Variants in SMOC2 observed in about 807,000 individuals in gnomAD.
SMOC2 encodes the protein SPARC related modular calcium binding 2.
SMOC2 carries 39 observed loss-of-function variants against 61.4 expected under a neutral mutation model. The observed-to-expected ratio is 0.64, with a 90% CI of 0.49 to 0.83. SMOC2 has a LOEUF of 0.83. Among genes scored for constraint, SMOC2 ranks in the 40% least tolerant of loss-of-function variants. The pLI, the probability that SMOC2 is intolerant of heterozygous loss-of-function variation, is 0.00. For synonymous variants in SMOC2, 247 were observed against 239.9 expected (o/e 1.03, Z -0.27); for missense variants, 556 against 592.9 (o/e 0.94, Z 0.65).
chr6:168,586,941 T>A (rs942686574), intron 7 of SMOC2, among the ~76,000 whole-genome samples: 14 of 152,220 alleles, frequency 9.2e-5, no homozygotes, highest in African/African-American at 3.4e-4. Flanking sequence ...TTAAATATGA[T>A]GTTAGCTATA....
At chr6:168,604,767 G>A (rs770314049) in intron 8 of SMOC2, among the ~76,000 whole-genome samples, 2 of 152,170 alleles carry the variant, frequency 1.3e-5, no homozygotes, top group East Asian at 3.9e-4. Flanking sequence ...GAATTAAAAG[G>A]CGTTAGTTTT....
At chr6:168,457,281 G>A (rs984018710) in intron 1 of SMOC2, among the ~76,000 whole-genome samples, 2 of 152,144 alleles carry the variant, frequency 1.3e-5, no homozygotes, top group African/African-American at 4.8e-5. Context: ...CTACAACGGG[G>A]GAGTCAGAAC....
chr6:168,635,445 C>A (rs1165079193), intron 9 of SMOC2, among the ~76,000 whole-genome samples: 1 of 152,184 alleles, frequency 6.6e-6, no homozygotes, highest in Non-Finnish European at 1.5e-5. Context: ...TGAAGCCTCC[C>A]TGCCAGCATT....
intron 1 of SMOC2, among the ~76,000 whole-genome samples, chr6:168,456,840 C>G (rs530831336): frequency 6.6e-6 from 1 of 152,260 alleles, no homozygotes; most frequent in East Asian, 1.9e-4. Context: ...AGGAAGAAGC[C>G]TGGGCTGCTC....
intron 1 of SMOC2, among the ~76,000 whole-genome samples, chr6:168,473,191 C>T (rs750040042): frequency 8.5e-5 from 13 of 152,192 alleles, no homozygotes; most frequent in Non-Finnish European, 1.3e-4. Flanking sequence ...AGGGCTGAGA[C>T]CACTGAGACC....
At chr6:168,516,196 C>A (rs1216146376) in intron 2 of SMOC2, among the ~76,000 whole-genome samples, 3 of 152,130 alleles carry the variant, frequency 2.0e-5, no homozygotes, top group Admixed American at 2.0e-4. Flanking sequence ...AGTGATCTAG[C>A]CATTGACCTT....
intron 1 of SMOC2, among the ~76,000 whole-genome samples, chr6:168,490,073 T>C (rs1246841562): frequency 6.6e-6 from 1 of 151,800 alleles, no homozygotes; most frequent in Non-Finnish European, 1.5e-5. Flanking sequence ...CACACTGTTT[T>C]AGAATGAAAT....
chr6:168,614,526 CACCTACAGCCAGCACAGGGCCTCTTCAT>C (rs1786000237), intron 9 of SMOC2, among the ~76,000 whole-genome samples: 4 of 27,946 alleles, frequency 1.4e-4, no homozygotes, highest in Admixed American at 4.9e-4. Context: ...GGCCTCTTCA[CACCTACAGCCAGCACAGGGCCTCTTCAT>C]ACCTACAGCC....
rs1387013867 is a variant in SMOC2 at position 168,634,323 on chromosome 6, C to T, written c.908-16358C>T. On this transcript the variant is annotated intron_variant, in intron 9 of 12. Coordinates refer to ENST00000356284, the MANE Select transcript of SMOC2 (RefSeq NM_001166412.2). ...GGTTATTGTGAGATTTGGATGAGACCGTGTCTGTAACTTTGCATGGCACAG... is the reference window on the plus strand; with the variant it reads ...GGTTATTGTGAGATTTGGATGAGACTGTGTCTGTAACTTTGCATGGCACAG... Among the ~76,000 whole-genome samples the T allele has an allele frequency of 3.9e-5, 6 of 152,176 alleles. No homozygotes were observed. In the East Asian group the frequency reaches 5.8e-4, roughly 15 times the overall value.
At chr6:168,601,158 G>A (rs115799726) in intron 8 of SMOC2, among the ~76,000 whole-genome samples, 8 of 152,224 alleles carry the variant, frequency 5.3e-5, no homozygotes, top group Non-Finnish European at 1.2e-4. Flanking sequence ...AGACATTTGT[G>A]GGGGAAACTG....
intron 7 of SMOC2, among the ~76,000 whole-genome samples, chr6:168,592,389 T>G (rs375427823): frequency 0.026 from 1,690 of 65,112 alleles, 19 homozygotes; most frequent in Admixed American, 0.035. Context: ...CTAGAGGATC[T>G]CCGAGCTCCT....
At chr6:168,602,241 C>T (rs907230216) in intron 8 of SMOC2, among the ~76,000 whole-genome samples, 2 of 152,176 alleles carry the variant, frequency 1.3e-5, no homozygotes, top group African/African-American at 4.8e-5. Flanking sequence ...GTACTTCTCA[C>T]TCGACTCTCT....
chr6:168,463,862 A>G (rs1400585198), intron 1 of SMOC2, among the ~76,000 whole-genome samples: 1 of 152,076 alleles, frequency 6.6e-6, no homozygotes, highest in African/African-American at 2.4e-5. Flanking sequence ...GAGAACTTGG[A>G]TGGACTTCTC....
At position 168,624,774 on chromosome 6, in the gene SMOC2, CACA is replaced by C. The variant is rs1251989263; in HGVS notation, c.907+16540_907+16542del. On this transcript the variant is annotated intron_variant, in intron 9 of 12. Transcript: ENST00000356284. ...ACACTCACAGACACATGCACACAGA[CACA>C]ACAATACAGATACACACAGACACAT... Among the ~76,000 whole-genome samples the C allele has an allele frequency of 7.9e-5, 12 of 151,836 alleles. No homozygotes were observed. The South Asian group carries it at 8.3e-4, about 11-fold the overall frequency.
chr6:168,664,028 TA>T, intron 11 of SMOC2, 45 bp from the exon 12 acceptor site: 1 of 1,515,486 alleles, frequency 6.6e-7, no homozygotes. Context: ...TTTCATTAAA[TA>T]ATGAGTCTCT....
At chr6:168,463,929 A>C (rs1781768106) in intron 1 of SMOC2, among the ~76,000 whole-genome samples, 1 of 152,054 alleles carries the variant, frequency 6.6e-6, no homozygotes, top group Middle Eastern at 3.2e-3. Flanking sequence ...GGTGGCTCAC[A>C]CCTGTAATCC....
At chr6:168,492,932 G>A (rs1782502395) in intron 1 of SMOC2, among the ~76,000 whole-genome samples, 1 of 152,204 alleles carries the variant, frequency 6.6e-6, no homozygotes, top group South Asian at 2.1e-4. Context: ...GACGTCGTAA[G>A]GCTGACTTTC....
intron 1 of SMOC2, among the ~76,000 whole-genome samples, chr6:168,501,627 T>C (rs1478552419): frequency 6.6e-6 from 1 of 152,158 alleles, no homozygotes; most frequent in Non-Finnish European, 1.5e-5. Flanking sequence ...CAGTAAAGCA[T>C]TGGTAAATGC....
At chr6:168,454,228 TGTC>T (rs1781529366) in intron 1 of SMOC2, among the ~76,000 whole-genome samples, 1 of 152,180 alleles carries the variant, frequency 6.6e-6, no homozygotes, top group Non-Finnish European at 1.5e-5. Flanking sequence ...GGGCTCTGTG[TGTC>T]CCGGCTCCCC....
Sources: gnomAD v4.1 joint callset for allele counts (sites outside exome capture counted in the v4.1 genomes callset) on GRCh38, gnomAD v4.1.1 for gene constraint, MANE v1.5 for transcripts, NCBI Gene and HGNC (gene_info 2026-07-23, HGNC 2026-07-21) for gene names.